Variants in LARGE1 observed in about 807,000 individuals in gnomAD.
LARGE1 encodes the protein LARGE xylosyl- and glucuronyltransferase 1.
LARGE1 carries 43 observed loss-of-function variants against 87.6 expected under a neutral mutation model. The observed-to-expected ratio is 0.49, with a 90% CI of 0.38 to 0.63. The LOEUF (loss-of-function observed/expected upper bound fraction) is 0.63. LARGE1 is among the 30% of genes least tolerant of loss of function. The probability of loss-of-function intolerance (pLI) is 0.00; values close to 1 mark genes in which losing one functional copy is unlikely to be tolerated. For missense variants in LARGE1, 802 were observed against 1,000.2 expected, an observed-to-expected ratio of 0.80 and a Z score of 2.67; for synonymous variants, 434 against 394.6, an observed-to-expected ratio of 1.10 and a Z score of -1.18.
the LARGE1 span, among the ~76,000 whole-genome samples, chr22:33,092,628 C>T: frequency 6.6e-6 from 1 of 151,772 alleles, no homozygotes; most frequent in Non-Finnish European, 1.5e-5. Flanking sequence ...CCTACCCCAC[C>T]CCACCCCACA....
the LARGE1 span, among the ~76,000 whole-genome samples, chr22:33,135,127 A>T: frequency 6.6e-6 from 1 of 152,186 alleles, no homozygotes; most frequent in Admixed American, 6.5e-5. Context: ...TAGTAGAAGG[A>T]TTCATCTTAG....
intron 1 of LARGE1, among the ~76,000 whole-genome samples, chr22:33,855,456 C>G (rs1345968790): frequency 1.3e-5 from 2 of 152,174 alleles, no homozygotes; most frequent in Non-Finnish European, 2.9e-5. Flanking sequence ...CCCAACCTGC[C>G]CAACCCAGAA....
chr22:33,236,427 T>C (rs901704821), intron 11 of LARGE1, among the ~76,000 whole-genome samples: 4 of 152,204 alleles, frequency 2.6e-5, no homozygotes, highest in African/African-American at 9.6e-5. Context: ...TCTTTGGAAA[T>C]TCATATGTTC....
chr22:33,381,204 T>A (rs2065143731), intron 9 of LARGE1, among the ~76,000 whole-genome samples: 1 of 152,160 alleles, frequency 6.6e-6, no homozygotes, highest in Non-Finnish European at 1.5e-5. Flanking sequence ...AGTAAAAAAA[T>A]GAACCATCCA....
At chr22:33,542,940 T>C (rs1170368668) in intron 6 of LARGE1, among the ~76,000 whole-genome samples, 5 of 152,144 alleles carry the variant, frequency 3.3e-5, no homozygotes, top group African/African-American at 7.2e-5. Context: ...TCAAAGACCT[T>C]AGAACCTTCT....
At chr22:33,313,945 C>T (rs770106036) in intron 11 of LARGE1, among the ~76,000 whole-genome samples, 17 of 152,198 alleles carry the variant, frequency 1.1e-4, no homozygotes, top group Non-Finnish European at 2.1e-4. Context: ...CAACAGAAAA[C>T]GAATGGGGTG....
intron 2 of LARGE1, among the ~76,000 whole-genome samples, chr22:33,684,172 C>T (rs927124754): frequency 1.3e-5 from 2 of 152,114 alleles, no homozygotes; most frequent in South Asian, 2.1e-4. Context: ...GTTGTACACC[C>T]GGTGAATGTG....
In LARGE1 at chr22:33,504,548, T is replaced by C. The variant is rs189598172; in HGVS notation, c.787+60300A>G. Among the ~76,000 whole-genome samples the C allele has an allele frequency of 1.2e-3, 183 of 152,260 alleles. 1 individual carries two copies. Among genetic ancestry groups the C allele is most frequent in the African/African-American group, 4.2e-3 (175 of 41,558 alleles). ...GTACTGGGATTACAGGCGTGAGCCATTGGAAATATATCTTTTTTAAAAAGG... is the reference window on the plus strand; with the variant it reads ...GTACTGGGATTACAGGCGTGAGCCACTGGAAATATATCTTTTTTAAAAAGG... On this transcript the variant is annotated intron_variant, in intron 6 of 14. Coordinates refer to ENST00000397394, the MANE Select transcript of LARGE1 (RefSeq NM_133642.5).
At chr22:33,587,937 G>A (rs2078724685) in intron 5 of LARGE1, among the ~76,000 whole-genome samples, 1 of 151,972 alleles carries the variant, frequency 6.6e-6, no homozygotes, top group African/African-American at 2.4e-5. Context: ...CCTTTTGTTG[G>A]AAAATCCATT....
At position 33,304,302 on chromosome 22, in the gene LARGE1, G is replaced by A; in HGVS notation, c.1657C>T (p.His553Tyr). Residue 553 changes from histidine (H) to tyrosine (Y), a missense_variant, in exon 12 of 15, where the codon CAC becomes TAC. His to Tyr is a moderately conservative substitution (Grantham distance 83). Transcript: ENST00000397394. The part of the protein sequence containing the change: ...VNLLRNVAMK[H>Y]ISTPYMFLSD... ...AGGAACATGTAGGGAGTGCTGATGT[G>A]CTTCATGGCCACGTTGCGCAGCAGG... is the stretch of plus-strand genomic sequence containing the variant. The A allele has an allele frequency of 1.2e-6, 2 of 1,614,282 alleles. No individual in the cohort carries two copies. The highest frequency in any genetic ancestry group is 1.7e-6 in the Non-Finnish European group (2 of 1,180,050).
intron 11 of LARGE1, chr22:33,221,473 G>A (rs567947455): frequency 6.6e-6 from 1 of 152,190 alleles, no homozygotes; most frequent in South Asian, 2.1e-4. Flanking sequence ...ACATCTTCAA[G>A]GTCACTATTC....
intron 5 of LARGE1, among the ~76,000 whole-genome samples, chr22:33,580,779 T>C (rs1173987898): frequency 3.3e-5 from 5 of 152,216 alleles, no homozygotes; most frequent in Non-Finnish European, 7.3e-5. Flanking sequence ...AAGATGTTGA[T>C]CATTGCTTGC....
At chr22:33,774,669 T>C (rs2085179446) in intron 1 of LARGE1, among the ~76,000 whole-genome samples, 1 of 152,186 alleles carries the variant, frequency 6.6e-6, no homozygotes, top group Non-Finnish European at 1.5e-5. Flanking sequence ...GACATTAATC[T>C]TAATATTTTA....
rs78455196 is a variant in LARGE1, at chr22:33,515,043, G to A, written c.787+49805C>T. Among the ~76,000 whole-genome samples, 799 of 151,352 alleles carry A rather than the reference G, an allele frequency of 5.3e-3. 6 individuals are homozygous for A. Among genetic ancestry groups the A allele is most frequent in the African/African-American group, 0.018 (744 of 41,220 alleles). On this transcript the variant is annotated intron_variant, in intron 6 of 14. Coordinates refer to ENST00000397394, the MANE Select transcript of LARGE1 (RefSeq NM_133642.5). Reference sequence around the variant, plus strand: ...TTGAAAATAAAAACAAATTGATATCGAGCAGTTTATTTGTTCAAGTTCTCA... The same window carrying A: ...TTGAAAATAAAAACAAATTGATATCAAGCAGTTTATTTGTTCAAGTTCTCA...
At chr22:33,458,817 A>G (rs1176740135) in intron 6 of LARGE1, among the ~76,000 whole-genome samples, 1 of 152,162 alleles carries the variant, frequency 6.6e-6, no homozygotes, top group Admixed American at 6.5e-5. Context: ...TTGAATGCAG[A>G]GGTGAGCAGG....
At chr22:33,847,646 T>C (rs9619380) in intron 1 of LARGE1, among the ~76,000 whole-genome samples, 62,872 of 152,074 alleles carry the variant, frequency 0.41, 13,100 homozygotes, top group Admixed American at 0.51. Context: ...AGTGGTACGC[T>C]GTGAACTGAC....
chr22:33,441,175 G>A (rs2067462028), intron 6 of LARGE1, among the ~76,000 whole-genome samples: 2 of 144,652 alleles, frequency 1.4e-5, no homozygotes, highest in African/African-American at 2.6e-5. Flanking sequence ...CCCAGTTCAA[G>A]CGATTCTCCT....
At chr22:33,073,872 A>G in the LARGE1 span, among the ~76,000 whole-genome samples, 1 of 152,292 alleles carries the variant, frequency 6.6e-6, no homozygotes, top group African/African-American at 2.4e-5. Context: ...TGTACTCCAG[A>G]CAACAGCCCT....
chr22:33,787,119 T>C (rs1462670824), intron 1 of LARGE1, among the ~76,000 whole-genome samples: 1 of 152,042 alleles, frequency 6.6e-6, no homozygotes, highest in Non-Finnish European at 1.5e-5. Context: ...CCACGTTAAG[T>C]GAATGGCATG....
Sources: allele counts gnomAD v4.1 joint callset (sites outside exome capture counted in the v4.1 genomes callset), GRCh38; gene constraint gnomAD v4.1.1; transcripts MANE v1.5; gene names NCBI Gene and HGNC (gene_info 2026-07-23, HGNC 2026-07-21).